CNTN4: variants seen among roughly 807,000 people sequenced by gnomAD.
CNTN4 encodes the protein contactin 4.
A neutral mutation model predicts 122.5 loss-of-function variants in CNTN4; 77 were observed. The observed-to-expected ratio is 0.63, with a 90% CI of 0.52 to 0.76. The LOEUF (loss-of-function observed/expected upper bound fraction) is 0.76. Ranked by LOEUF, CNTN4 falls within the 30% of genes least tolerant of loss-of-function variation. CNTN4 has a pLI of 0.00. For synonymous variants in CNTN4, 512 were observed against 447.0 expected (o/e 1.15, Z -1.83); for missense variants, 1,256 against 1,259.1 (o/e 1.00, Z 0.04).
At chr3:2,538,499 G>C (rs558935908) in intron 3 of CNTN4, among the ~76,000 whole-genome samples, 4 of 151,774 alleles carry the variant, frequency 2.6e-5, no homozygotes, top group Non-Finnish European at 4.4e-5. Context: ...AATATATATA[G>C]TTATTTCCCA....
intron 2 of CNTN4, among the ~76,000 whole-genome samples, chr3:2,238,462 AT>A (rs1248276553): frequency 6.6e-6 from 1 of 151,934 alleles, no homozygotes; most frequent in Non-Finnish European, 1.5e-5. Flanking sequence ...TCATTTGCTG[AT>A]GTATAATAAA....
rs192164589 is a variant in CNTN4, at chr3:2,343,502, A to T, written c.-89+4269A>T. Among the ~76,000 whole-genome samples the T allele has an allele frequency of 1.7e-3, 264 of 152,146 alleles. 4 individuals are homozygous for T. Among genetic ancestry groups the T allele is most frequent in the Non-Finnish European group, 2.9e-4 (20 of 68,016 alleles). ...CAACCAGTGAGACTGGTCGCGGGTC[A>T]CTCCTTCATTTACATAGTGTAACTA... On this transcript the variant is annotated intron_variant, in intron 3 of 24. Coordinates refer to ENST00000418658, the MANE Select transcript of CNTN4 (RefSeq NM_175607.3).
intron 2 of CNTN4, among the ~76,000 whole-genome samples, chr3:2,241,356 C>T (rs991003263): frequency 6.6e-6 from 1 of 152,072 alleles, no homozygotes; most frequent in Non-Finnish European, 1.5e-5. Flanking sequence ...CAAGAGTGTT[C>T]CCACGATTAT....
At chr3:2,607,637 C>T (rs1250934332) in intron 4 of CNTN4, among the ~76,000 whole-genome samples, 4 of 152,034 alleles carry the variant, frequency 2.6e-5, no homozygotes, top group Non-Finnish European at 5.9e-5. Context: ...TAACTAATGG[C>T]TAATACAGTA....
At chr3:2,147,341 A>G (rs2035292201) in intron 2 of CNTN4, among the ~76,000 whole-genome samples, 1 of 152,022 alleles carries the variant, frequency 6.6e-6, no homozygotes, top group African/African-American at 2.4e-5. Context: ...TGTGTTCTTC[A>G]TATCTTGGAC....
chr3:2,902,877 A>T lies in CNTN4; in HGVS notation c.1079A>T (p.Asp360Val). 1 of 1,613,020 alleles carries T rather than the reference A, an allele frequency of 6.2e-7. No homozygotes were observed. Among genetic ancestry groups the T allele is most frequent in the Non-Finnish European group, 8.5e-7 (1 of 1,179,408 alleles). ...TTATGTTCCTCTTTTCTTTCACAGG[A>T]TAGAATTCAAATTGAGCAAGGAACA... The part of the protein sequence containing the change: ...LKNGEPLLTR[D>V]RIQIEQGTLN... The change falls in exon 12 of 25, where the codon GAT (aspartate) becomes GTT (valine). Residue 360 changes from aspartate to valine, a missense_variant and splice_region_variant. Coordinates refer to ENST00000418658, the MANE Select transcript of CNTN4 (RefSeq NM_175607.3).
intron 4 of CNTN4, among the ~76,000 whole-genome samples, chr3:2,596,500 G>C (rs867943570): frequency 6.6e-6 from 1 of 151,946 alleles, no homozygotes; most frequent in African/African-American, 2.4e-5. Context: ...TGGTAGTAAG[G>C]AATCAATCCA....
chr3:2,158,070 T>C (rs1336604075), intron 2 of CNTN4, among the ~76,000 whole-genome samples: 3 of 150,046 alleles, frequency 2.0e-5, no homozygotes, highest in African/African-American at 4.8e-5. Flanking sequence ...CAGGATTTCA[T>C]ACATATGTTC....
chr3:2,309,009 T>C (rs1199667905), intron 2 of CNTN4, among the ~76,000 whole-genome samples: 1 of 152,140 alleles, frequency 6.6e-6, no homozygotes, highest in Non-Finnish European at 1.5e-5. Flanking sequence ...TTCTGGATCC[T>C]TTTTGATCTT....
chr3:2,314,122 T>A (rs1232386642), intron 2 of CNTN4, among the ~76,000 whole-genome samples: 1 of 152,020 alleles, frequency 6.6e-6, no homozygotes, highest in Non-Finnish European at 1.5e-5. Context: ...AGTATAAAAT[T>A]CATATGAATT....
intron 2 of CNTN4, among the ~76,000 whole-genome samples, chr3:2,334,892 T>A (rs887412304): frequency 7.2e-5 from 11 of 152,212 alleles, no homozygotes; most frequent in African/African-American, 2.4e-4. Flanking sequence ...GTTGTTTTTG[T>A]TCTTAATAAA....
At chr3:2,316,487 A>G (rs995821791) in intron 2 of CNTN4, among the ~76,000 whole-genome samples, 1 of 152,172 alleles carries the variant, frequency 6.6e-6, no homozygotes, top group Non-Finnish European at 1.5e-5. Context: ...AAATAGATCA[A>G]TAAATTAAGG....
intron 3 of CNTN4, among the ~76,000 whole-genome samples, chr3:2,381,972 C>G (rs2046040444): frequency 6.6e-6 from 1 of 151,874 alleles, no homozygotes; most frequent in Non-Finnish European, 1.5e-5. Context: ...TTGTTCTTCC[C>G]AAATCTTGAG....
chr3:2,880,922 G>A (rs1022579134), intron 8 of CNTN4, among the ~76,000 whole-genome samples: 6 of 152,156 alleles, frequency 3.9e-5, no homozygotes, highest in East Asian at 1.9e-4. Context: ...GTTGCTAGCC[G>A]TGGATCCTCT....
intron 2 of CNTN4, among the ~76,000 whole-genome samples, chr3:2,271,301 T>G (rs77358756): frequency 0.01 from 1,530 of 152,286 alleles, 13 homozygotes; most frequent in Non-Finnish European, 0.015. Flanking sequence ...AATACATGTT[T>G]ACAGCTGGGC....
At chr3:2,438,513 C>T (rs1175887577) in intron 3 of CNTN4, among the ~76,000 whole-genome samples, 2 of 152,164 alleles carry the variant, frequency 1.3e-5, no homozygotes, top group South Asian at 2.1e-4. Flanking sequence ...AAGAGTGAGA[C>T]TCTGTCTCAA....
At chr3:2,752,630 C>T (rs980696361) in intron 6 of CNTN4, among the ~76,000 whole-genome samples, 15 of 152,136 alleles carry the variant, frequency 9.9e-5, no homozygotes, top group Middle Eastern at 3.2e-3. Context: ...GGATTACAGG[C>T]GTGAGCCACC....
chr3:3,021,222 G>A (rs1251540208), intron 14 of CNTN4, among the ~76,000 whole-genome samples: 1 of 152,100 alleles, frequency 6.6e-6, no homozygotes, highest in Non-Finnish European at 1.5e-5. Context: ...AATGTTTAGG[G>A]TATGCCTTTT....
At chr3:2,359,150 G>T (rs1385324394) in intron 3 of CNTN4, among the ~76,000 whole-genome samples, 1 of 152,156 alleles carries the variant, frequency 6.6e-6, no homozygotes, top group South Asian at 2.1e-4. Context: ...CCTCTCATAT[G>T]ATAAAATGGT....
Sources: allele counts gnomAD v4.1 joint callset (sites outside exome capture counted in the v4.1 genomes callset), GRCh38; gene constraint gnomAD v4.1.1; transcripts MANE v1.5; gene names NCBI Gene and HGNC (gene_info 2026-07-23, HGNC 2026-07-21).